SLC16A7: variants seen among roughly 807,000 people sequenced by gnomAD.
SLC16A7 encodes the protein monocarboxylate transporter 2.
A neutral mutation model predicts 34.9 loss-of-function variants in SLC16A7; 33 were observed. That is an observed-to-expected ratio of 0.94 (90% CI 0.72 to 1.26). The LOEUF (loss-of-function observed/expected upper bound fraction) is 1.26. SLC16A7 is among the 50% of genes most tolerant of loss of function. SLC16A7 has a pLI of 0.00. For synonymous variants in SLC16A7, 201 were observed against 206.6 expected, an observed-to-expected ratio of 0.97 and a Z score of 0.23; for missense variants, 573 against 578.1, an observed-to-expected ratio of 0.99 and a Z score of 0.09.
intron 2 of SLC16A7, among the ~76,000 whole-genome samples, chr12:59,699,396 A>G (rs1872642673): frequency 6.6e-6 from 1 of 151,706 alleles, no homozygotes; most frequent in Admixed American, 6.6e-5. Flanking sequence ...TTAAAACTAC[A>G]ATGAATTTTT....
At chr12:59,627,895 A>AAT (rs201420166) in intron 1 of SLC16A7, among the ~76,000 whole-genome samples, 268 of 149,414 alleles carry the variant, frequency 1.8e-3, no homozygotes, top group South Asian at 0.013. Context: ...AGACTATATA[A>AAT]ATATATATAT....
chr12:59,610,960 CAAGATCA>C (rs138729762), intron 1 of SLC16A7, among the ~76,000 whole-genome samples: 2,675 of 152,154 alleles, frequency 0.018, 73 homozygotes, highest in African/African-American at 0.061. Flanking sequence ...CTGGCAAGTC[CAAGATCA>C]AGCTGGTGGC....
chr12:59,721,907 T>C (rs1875645498), intron 3 of SLC16A7, among the ~76,000 whole-genome samples: 1 of 151,986 alleles, frequency 6.6e-6, no homozygotes, highest in Admixed American at 6.6e-5. Context: ...TCAGTATCTA[T>C]TTTTGGTTCT....
intron 3 of SLC16A7, among the ~76,000 whole-genome samples, chr12:59,745,520 G>T (rs1049664062): frequency 2.0e-5 from 3 of 152,156 alleles, no homozygotes; most frequent in African/African-American, 7.2e-5. Flanking sequence ...CATAGGCACT[G>T]AAGTAGAAAT....
intron 3 of SLC16A7, among the ~76,000 whole-genome samples, chr12:59,707,457 A>G (rs1422853858): frequency 6.6e-6 from 1 of 152,082 alleles, no homozygotes; most frequent in African/African-American, 2.4e-5. Context: ...AATTATAAAA[A>G]GTAAATATAC....
chr12:59,703,426 T>C (rs1417375928), intron 2 of SLC16A7, among the ~76,000 whole-genome samples: 1 of 151,910 alleles, frequency 6.6e-6, no homozygotes, highest in Non-Finnish European at 1.5e-5. Flanking sequence ...AAAATAAACA[T>C]AAAACATCAC....
At position 59,729,884 on chromosome 12, in the gene SLC16A7, T is replaced by G. The variant is rs143242083; in HGVS notation, c.217+24866T>G. 1.8e-3 allele frequency among the ~76,000 whole-genome samples: 280 copies of G among 152,342 alleles called. 2 individuals are homozygous for G. The highest frequency in any genetic ancestry group is 5.8e-3 in the African/African-American group (242 of 41,582). ...ACACCTGGAAAGTGCTATCCAGTCA[T>G]GTGCCTTTGTGGAAAAGCTAAAAGT... is the stretch of plus-strand genomic sequence containing the variant. On this transcript the variant is annotated intron_variant, in intron 3 of 5. Coordinates refer to ENST00000547379, the MANE Select transcript of SLC16A7 (RefSeq NM_001270623.2).
intron 3 of SLC16A7, among the ~76,000 whole-genome samples, chr12:59,728,280 C>A (rs1227377045): frequency 6.6e-6 from 1 of 152,168 alleles, no homozygotes; most frequent in Non-Finnish European, 1.5e-5. Context: ...ACTGCTAATT[C>A]TCTGAGTTCA....
Position 59,704,807 on chromosome 12 carries a change from A to C in SLC16A7, c.6A>C (p.Pro2=), listed in dbSNP as rs769451685. 1 of 1,612,084 alleles carries C rather than the reference A, an allele frequency of 6.2e-7. No individual in the cohort carries two copies. The highest frequency in any genetic ancestry group is 8.5e-7 in the Non-Finnish European group (1 of 1,178,660). The change falls in exon 3 of 6, where the codon CCA becomes CCC. Residue 2 remains proline (P), a synonymous_variant. Coordinates refer to ENST00000547379, the MANE Select transcript of SLC16A7 (RefSeq NM_001270623.2). The part of the protein sequence containing the change: M[P]PMPSAPPVHP... ...TTTCCACTAGAGGAGCAGAAATGCC[A>C]CCAATGCCAAGTGCCCCACCTGTGC...
At chr12:59,599,440 G>A (rs1201026899) in intron 1 of SLC16A7, among the ~76,000 whole-genome samples, 2 of 152,270 alleles carry the variant, frequency 1.3e-5, no homozygotes, top group East Asian at 3.9e-4. Context: ...ATTAGCAAAA[G>A]GTGCCCATGA....
At chr12:59,723,625 A>G (rs1875881705) in intron 3 of SLC16A7, among the ~76,000 whole-genome samples, 2 of 152,030 alleles carry the variant, frequency 1.3e-5, no homozygotes, top group Admixed American at 1.3e-4. Context: ...ATTTTAGTAT[A>G]AAGGCAACAT....
intron 2 of SLC16A7, among the ~76,000 whole-genome samples, chr12:59,704,214 AAAAAG>A (rs1873258221): frequency 7.1e-6 from 1 of 140,634 alleles, no homozygotes; most frequent in Non-Finnish European, 1.5e-5. Flanking sequence ...AAAAAAAAAA[AAAAAG>A]AAAAAGAAAA....
intron 1 of SLC16A7, among the ~76,000 whole-genome samples, chr12:59,619,373 G>A (rs766358115): frequency 1.3e-5 from 2 of 151,886 alleles, no homozygotes; most frequent in African/African-American, 2.4e-5. Flanking sequence ...GTGATTATCC[G>A]GTTTCAATTA....
intron 3 of SLC16A7, among the ~76,000 whole-genome samples, chr12:59,729,334 A>G (rs1255727319): frequency 6.6e-6 from 1 of 152,206 alleles, no homozygotes; most frequent in African/African-American, 2.4e-5. Flanking sequence ...TGCCTTTCCT[A>G]TCATCTCCTT....
At chr12:59,657,801 G>A (rs1868613180) in intron 2 of SLC16A7, among the ~76,000 whole-genome samples, 1 of 151,896 alleles carries the variant, frequency 6.6e-6, no homozygotes, top group Non-Finnish European at 1.5e-5. Context: ...AGCATAGAGG[G>A]GAAGAACCAA....
chr12:59,715,618 G>A (rs1205226169), intron 3 of SLC16A7, among the ~76,000 whole-genome samples: 2 of 152,184 alleles, frequency 1.3e-5, no homozygotes, highest in African/African-American at 4.8e-5. Context: ...CGCTGGGAAG[G>A]TGAGGGCACA....
rs1264594286 is a variant in SLC16A7 at position 59,780,312 on chromosome 12, G to A, written c.*633G>A. The A allele has an allele frequency of 1.3e-5, 2 of 152,044 alleles. No homozygotes were observed. The highest frequency in any genetic ancestry group is 2.9e-5 in the Non-Finnish European group (2 of 67,974). 9.4% of individuals were successfully genotyped at this position (152,044 alleles called of 1,614,324 possible). ...GTTGGTTTTAAAGATAAGCACATGG[G>A]TAAAAATGAGGGTGATCCTTATTCA... On this transcript the variant is annotated 3_prime_UTR_variant, in exon 6 of 6. Transcript: ENST00000547379.
intron 1 of SLC16A7, among the ~76,000 whole-genome samples, chr12:59,633,863 A>G (rs1213274419): frequency 6.6e-6 from 1 of 152,028 alleles, no homozygotes; most frequent in Non-Finnish European, 1.5e-5. Flanking sequence ...CCCATGATCC[A>G]TCAAATCACC....
chr12:59,692,943 AAATTGGGTGAGTTGTCACCT>A (rs1871849250), intron 2 of SLC16A7, among the ~76,000 whole-genome samples: 1 of 151,988 alleles, frequency 6.6e-6, no homozygotes, highest in Admixed American at 6.6e-5. Context: ...TTCTGTTGTA[AAATTGGGTGAGTTGTCACCT>A]AAACTTAAAC....
Sources: allele counts gnomAD v4.1 joint callset (sites outside exome capture counted in the v4.1 genomes callset), GRCh38; gene constraint gnomAD v4.1.1; transcripts MANE v1.5; gene names NCBI Gene and HGNC (gene_info 2026-07-23, HGNC 2026-07-21).